The following THOC7 variants were observed in gnomAD, a reference collection of about 807,000 sequenced individuals.
THOC7 encodes THO complex subunit 7, also known as NIF3L1-binding protein 1.
Under a neutral mutation model 33.1 loss-of-function variants are expected in THOC7, and 22 were observed. The observed-to-expected ratio is 0.66, with a 90% CI of 0.47 to 0.95. The LOEUF is 0.95. THOC7 is among the 40% of genes least tolerant of loss of function. THOC7 has a pLI of 0.00. For synonymous variants in THOC7, 77 were observed against 76.8 expected, an observed-to-expected ratio of 1.00 and a Z score of -0.01; for missense variants, 184 against 245.3, an observed-to-expected ratio of 0.75 and a Z score of 1.67.
rs768732424 is a variant in THOC7, at chr3:63,834,107, T to C, written c.*25A>G. 6.2e-7 allele frequency: 1 copy of C among 1,612,718 alleles called. No individual in the cohort carries two copies. The highest frequency in any genetic ancestry group is 8.5e-7 in the Non-Finnish European group (1 of 1,178,934). On this transcript the variant is annotated 3_prime_UTR_variant, in exon 8 of 8. Coordinates refer to ENST00000295899, the MANE Select transcript of THOC7 (RefSeq NM_025075.4). Reference sequence around the variant, plus strand: ...GGTCATGTAGCTATTTCAATATTCCTGGGAGTGGTGGGCAATTAGCCTGTC... The same window carrying C: ...GGTCATGTAGCTATTTCAATATTCCCGGGAGTGGTGGGCAATTAGCCTGTC...
At position 63,836,258 on chromosome 3, in the gene THOC7, T is replaced by C. The variant is rs910124442; in HGVS notation, c.410+43A>G. On this transcript the variant is annotated intron_variant, in intron 5 of 7. Transcript: ENST00000295899. ...GCCTACGGTAGTTTTCGAGCATTTA[T>C]GTATAAAGGTTAGTTCCTTTCAAAG... 6 of 1,573,616 alleles carry C rather than the reference T, an allele frequency of 3.8e-6. 1 individual carries two copies. The Middle Eastern group carries it at 5.1e-4, about 134-fold the overall frequency.
At position 63,863,798 on chromosome 3, in the gene THOC7, G is replaced by GCGC; in HGVS notation, c.-9_-8insGCG. 1 of 1,000,588 alleles carries GCGC rather than the reference G, an allele frequency of 1.0e-6. No homozygotes were observed. Among genetic ancestry groups the GCGC allele is most frequent in the Non-Finnish European group, 1.3e-6 (1 of 796,746 alleles). 62.0% of individuals were successfully genotyped at this position (1,000,588 alleles called of 1,614,324 possible). A position where few individuals can be genotyped will look rare whatever the true frequency, so the allele number is the denominator to read the frequency against. On this transcript the variant is annotated 5_prime_UTR_variant, in exon 1 of 8. Coordinates refer to ENST00000295899, the MANE Select transcript of THOC7 (RefSeq NM_025075.4). ...GTCAGTCACGGCTCCCATGGCGTGC[G>GCGC]CGGCGGCGGCGGCGGCGGCGGCGGC...
At chr3:63,836,018 G>A (rs1261988458) in intron 5 of THOC7, among the ~76,000 whole-genome samples, 1 of 151,864 alleles carries the variant, frequency 6.6e-6, no homozygotes, top group Non-Finnish European at 1.5e-5. Context: ...GGCATAACTA[G>A]TTTATTCTTT....
intron 1 of THOC7, among the ~76,000 whole-genome samples, chr3:63,851,597 AGTTC>A (rs1702020698): frequency 6.6e-6 from 1 of 152,318 alleles, no homozygotes; most frequent in Middle Eastern, 3.4e-3. Flanking sequence ...ATAATAATGA[AGTTC>A]CTTCTACTTT....
At chr3:63,863,734 C>T in intron 1 of THOC7, 38 bp downstream of exon 1, 1 of 1,248,834 alleles carries the variant, frequency 8.0e-7, no homozygotes, top group Non-Finnish European at 1.0e-6. Flanking sequence ...CCCAGCGGGC[C>T]GTGCAGCGGG....
chr3:63,846,923 T>G (rs546068867), intron 1 of THOC7, among the ~76,000 whole-genome samples: 2 of 152,154 alleles, frequency 1.3e-5, no homozygotes, highest in African/African-American at 4.8e-5. Context: ...TCCCCAAGTA[T>G]TTCAGCTCCA....
At chr3:63,856,080 A>G (rs1258780052) in intron 1 of THOC7, among the ~76,000 whole-genome samples, 1 of 152,216 alleles carries the variant, frequency 6.6e-6, no homozygotes, top group Non-Finnish European at 1.5e-5. Context: ...AAAACTGAAA[A>G]CAAACTAAAT....
chr3:63,841,281 C>T (rs977121574), intron 1 of THOC7, among the ~76,000 whole-genome samples: 1 of 152,148 alleles, frequency 6.6e-6, no homozygotes, highest in African/African-American at 2.4e-5. Flanking sequence ...CCACAAGAAA[C>T]TTGTAATAGC....
intron 1 of THOC7, among the ~76,000 whole-genome samples, chr3:63,855,155 T>C (rs1032847894): frequency 2.2e-4 from 34 of 152,166 alleles, no homozygotes; most frequent in Non-Finnish European, 5.9e-5. Flanking sequence ...TCATATCCAA[T>C]ATGCCTAAAT....
At position 63,839,757 on chromosome 3, in the gene THOC7, C is replaced by T. The variant is rs768856410; in HGVS notation, c.36G>A (p.Lys12=). 9.9e-6 allele frequency: 16 copies of T among 1,613,426 alleles called. No homozygotes were observed. The highest frequency in any genetic ancestry group is 1.2e-5 in the Non-Finnish European group (14 of 1,179,894). Residue 12 remains lysine (K), a synonymous_variant, in exon 2 of 8, where the codon AAG becomes AAA. Transcript: ENST00000295899. ...GAVTDDEVIR[K]RLLIDGDGAG... ...CACCATCTCCATCAATGAGGAGACGCTTCCGTATAACTTCGTCTGCAGGAA... is the reference window on the plus strand; with the variant it reads ...CACCATCTCCATCAATGAGGAGACGTTTCCGTATAACTTCGTCTGCAGGAA...
chr3:63,834,502 A>G (rs1041223019), intron 7 of THOC7, among the ~76,000 whole-genome samples: 2 of 152,036 alleles, frequency 1.3e-5, no homozygotes, highest in South Asian at 4.1e-4. Flanking sequence ...TCTACTAAAA[A>G]TACTAAAATT....
chr3:63,838,585 T>C, intron 2 of THOC7, 86 bp from the exon 3 acceptor site: 1 of 1,297,140 alleles, frequency 7.7e-7, no homozygotes. Flanking sequence ...TATTTGCTAA[T>C]TAAATTATAG....
At chr3:63,863,817 C>T (rs1191053580), upstream of THOC7, 2 of 1,174,412 alleles carry the variant, frequency 1.7e-6, no homozygotes, top group Non-Finnish European at 2.1e-6. Flanking sequence ...GCGGCGGCGG[C>T]GGCGGCGCAA....
At chr3:63,853,988 A>C (rs1702065159) in intron 1 of THOC7, among the ~76,000 whole-genome samples, 1 of 152,220 alleles carries the variant, frequency 6.6e-6, no homozygotes. Context: ...TTATCTATAG[A>C]TATATCTATG....
At chr3:63,852,857 A>C (rs1283541931) in intron 1 of THOC7, among the ~76,000 whole-genome samples, 3 of 152,160 alleles carry the variant, frequency 2.0e-5, no homozygotes, top group Non-Finnish European at 4.4e-5. Context: ...AGAGATTAGA[A>C]TCACAGGTCC....
intron 1 of THOC7, among the ~76,000 whole-genome samples, chr3:63,850,814 G>T (rs544521718): frequency 6.6e-6 from 1 of 151,792 alleles, no homozygotes; most frequent in Non-Finnish European, 1.5e-5. Flanking sequence ...TCAAAAACTC[G>T]TGACCTCAGC....
chr3:63,863,797 CGCGGCGGCGGCG>C (rs546741642), exon 1 of THOC7: 796 of 1,245,680 alleles, frequency 6.4e-4, 2 homozygotes, highest in African/African-American at 7.5e-3. Context: ...CCATGGCGTG[CGCGGCGGCGGCG>C]GCGGCGGCGG....
intron 1 of THOC7, chr3:63,846,113 TA>T (rs1280296481): frequency 2.6e-6 from 1 of 384,434 alleles, no homozygotes; most frequent in Non-Finnish European, 5.3e-6. Flanking sequence ...CCAAGGATGG[TA>T]AAACTGATGT....
At chr3:63,836,412 C>G in intron 4 of THOC7, 54 bp from the exon 5 acceptor site, 1 of 1,551,604 alleles carries the variant, frequency 6.4e-7, no homozygotes, top group Non-Finnish European at 8.9e-7. Flanking sequence ...TGTGAATTAT[C>G]AAAACAAAAT....
Sources: allele counts gnomAD v4.1 joint callset (sites outside exome capture counted in the v4.1 genomes callset), GRCh38; gene constraint gnomAD v4.1.1; transcripts MANE v1.5; gene names NCBI Gene and HGNC (gene_info 2026-07-23, HGNC 2026-07-21).